The following PCCA variants were observed in gnomAD, a reference collection of about 807,000 sequenced individuals.
The protein encoded by PCCA is propionyl-CoA carboxylase subunit alpha.
In PCCA, 74 loss-of-function variants were observed where a neutral mutation model predicts 101.3. The observed-to-expected ratio is 0.73, with a 90% CI of 0.61 to 0.89. PCCA has a LOEUF of 0.89. Among genes scored for constraint, PCCA ranks in the 40% least tolerant of loss-of-function variants. The pLI is 0.00. For synonymous variants in PCCA, 294 were observed against 313.6 expected (o/e 0.94, Z 0.66); for missense variants, 891 against 907.0 (o/e 0.98, Z 0.23).
chr13:100,179,760 CGT>C (rs778203322), intron 6 of PCCA, among the ~76,000 whole-genome samples: 1 of 150,132 alleles, frequency 6.7e-6, no homozygotes, highest in Non-Finnish European at 1.5e-5. Context: ...TGTGTGTGTA[CGT>C]GTGTGTGTGG....
At chr13:100,368,328 T>C (rs1395374892) in intron 18 of PCCA, 144 bp from the exon 19 acceptor site, 3 of 593,718 alleles carry the variant, frequency 5.1e-6, no homozygotes, top group African/African-American at 1.9e-5. Context: ...AGATACATGA[T>C]GATTCTTAGA....
chr13:100,320,910 C>T lies in PCCA; in HGVS notation c.1430-9651C>T, dbSNP rs563483848. Among the ~76,000 whole-genome samples the T allele has an allele frequency of 1.5e-3, 228 of 152,118 alleles. 1 individual carries two copies. Among genetic ancestry groups the T allele is most frequent in the Non-Finnish European group, 2.3e-3 (154 of 67,988 alleles). ...GGGACTACAGATGTGCCACCCTACG[C>T]GGCTAATTTTTAAATTTTTTGTAGA... On this transcript the variant is annotated intron_variant, in intron 16 of 23. Coordinates refer to ENST00000376285, the MANE Select transcript of PCCA (RefSeq NM_000282.4).
intron 21 of PCCA, among the ~76,000 whole-genome samples, chr13:100,511,350 G>C (rs183627373): frequency 6.6e-6 from 1 of 152,184 alleles, no homozygotes; most frequent in South Asian, 2.1e-4. Flanking sequence ...TCACTGCCAC[G>C]CTGCGGAAAT....
intron 21 of PCCA, among the ~76,000 whole-genome samples, chr13:100,503,878 A>G (rs904871479): frequency 4.6e-5 from 7 of 152,256 alleles, no homozygotes; most frequent in African/African-American, 1.2e-4. Flanking sequence ...ACTGCACTCC[A>G]GCCTGAGTGA....
intron 21 of PCCA, among the ~76,000 whole-genome samples, chr13:100,508,706 G>A (rs968387464): frequency 1.3e-5 from 2 of 152,194 alleles, no homozygotes; most frequent in African/African-American, 4.8e-5. Flanking sequence ...CAGGCTGTAA[G>A]GCTCTAGTGT....
intron 23 of PCCA, among the ~76,000 whole-genome samples, chr13:100,528,614 C>T (rs149657477): frequency 1.1e-4 from 16 of 152,286 alleles, no homozygotes; most frequent in Non-Finnish European, 1.2e-4. Context: ...TGCCTGGTCC[C>T]GGCTGGGAGA....
chr13:100,138,068 A>G (rs766418410), intron 4 of PCCA, among the ~76,000 whole-genome samples: 7 of 152,250 alleles, frequency 4.6e-5, no homozygotes, highest in East Asian at 1.9e-4. Flanking sequence ...GGATTAAGGC[A>G]TGAACCACCA....
At chr13:100,286,615 CT>C (rs1474497709) in intron 12 of PCCA, among the ~76,000 whole-genome samples, 1 of 152,144 alleles carries the variant, frequency 6.6e-6, no homozygotes, top group Non-Finnish European at 1.5e-5. Context: ...CTAACAACCC[CT>C]CCCCTTGTAT....
chr13:100,310,756 A>T (rs2066847174), intron 16 of PCCA, among the ~76,000 whole-genome samples: 1 of 152,154 alleles, frequency 6.6e-6, no homozygotes, highest in South Asian at 2.1e-4. Flanking sequence ...AAGTGACTAA[A>T]ATACAAAGTA....
chr13:100,211,897 C>T (rs34833232), intron 7 of PCCA, among the ~76,000 whole-genome samples: 4,743 of 152,234 alleles, frequency 0.031, 118 homozygotes, highest in Non-Finnish European at 0.05. Context: ...TGTGCCACCA[C>T]AGCTGCCTAC....
At chr13:100,483,856 G>A (rs2152972257) in intron 21 of PCCA, among the ~76,000 whole-genome samples, 1 of 152,294 alleles carries the variant, frequency 6.6e-6, no homozygotes, top group East Asian at 1.9e-4. Flanking sequence ...GTGTGTGATG[G>A]TGAAGTGATG....
At chr13:100,263,752 A>G (rs951365857) in intron 10 of PCCA, among the ~76,000 whole-genome samples, 2 of 152,026 alleles carry the variant, frequency 1.3e-5, no homozygotes, top group African/African-American at 4.8e-5. Flanking sequence ...CTAAATTGAT[A>G]TATCACATAT....
chr13:100,199,156 A>G (rs1280044478), intron 6 of PCCA, among the ~76,000 whole-genome samples: 3 of 152,118 alleles, frequency 2.0e-5, no homozygotes, highest in Admixed American at 6.6e-5. Flanking sequence ...AGGGCGAACT[A>G]TTTTGAAATC....
intron 20 of PCCA, among the ~76,000 whole-genome samples, chr13:100,446,632 C>A (rs1030136055): frequency 6.6e-6 from 1 of 152,082 alleles, no homozygotes; most frequent in African/African-American, 2.4e-5. Flanking sequence ...AGGAATCAAC[C>A]CTCCGTTCTT....
chr13:100,352,293 A>G (rs1025127592), intron 18 of PCCA, among the ~76,000 whole-genome samples: 2 of 152,214 alleles, frequency 1.3e-5, no homozygotes, highest in Non-Finnish European at 2.9e-5. Flanking sequence ...AAAGGCATAA[A>G]TAGGTCAATT....
intron 6 of PCCA, among the ~76,000 whole-genome samples, chr13:100,163,378 T>C (rs139925387): frequency 6.6e-6 from 1 of 152,314 alleles, no homozygotes; most frequent in African/African-American, 2.4e-5. Flanking sequence ...ACAGGTTGTT[T>C]AATGTCGGCC....
chr13:100,303,841 A>T (rs2035771679), intron 14 of PCCA, among the ~76,000 whole-genome samples: 2 of 151,862 alleles, frequency 1.3e-5, no homozygotes, highest in South Asian at 4.2e-4. Context: ...GTGCTTGGAG[A>T]CTCCATGCTG....
At chr13:100,354,096 A>AATG (rs1175739744) in intron 18 of PCCA, among the ~76,000 whole-genome samples, 3 of 145,250 alleles carry the variant, frequency 2.1e-5, no homozygotes, top group African/African-American at 7.6e-5. Context: ...TAATAATAAT[A>AATG]ATAATAATAA....
chr13:100,518,357 A>C (rs1333397957), intron 22 of PCCA, among the ~76,000 whole-genome samples: 1 of 152,184 alleles, frequency 6.6e-6, no homozygotes, highest in Non-Finnish European at 1.5e-5. Flanking sequence ...CAGGAAGAAG[A>C]GATGTGGGGT....
Sources: gnomAD v4.1 joint callset for allele counts (sites outside exome capture counted in the v4.1 genomes callset) on GRCh38, gnomAD v4.1.1 for gene constraint, MANE v1.5 for transcripts, NCBI Gene and HGNC (gene_info 2026-07-23, HGNC 2026-07-21) for gene names.